CCDC126: variants seen among roughly 807,000 people sequenced by gnomAD.
CCDC126 encodes the protein coiled-coil domain-containing protein 126.
CCDC126 carries 5 observed loss-of-function variants against 11.7 expected under a neutral mutation model. The observed-to-expected ratio is 0.43, with a 90% CI of 0.22 to 0.90. The LOEUF is 0.90. Among genes scored for constraint, CCDC126 ranks in the 40% least tolerant of loss-of-function variants. The pLI, the probability that CCDC126 is intolerant of heterozygous loss-of-function variation, is 0.27. For synonymous variants in CCDC126, 60 were observed against 61.9 expected (o/e 0.97, Z 0.14); for missense variants, 150 against 163.1 (o/e 0.92, Z 0.44).
intron 3 of CCDC126, among the ~76,000 whole-genome samples, chr7:23,639,570 T>C (rs1391538841): frequency 6.6e-6 from 1 of 152,226 alleles, no homozygotes; most frequent in Non-Finnish European, 1.5e-5. Context: ...GTATATATCA[T>C]GATATTTCAT....
chr7:23,640,971 T>C (rs996724451), intron 3 of CCDC126, among the ~76,000 whole-genome samples: 3 of 151,128 alleles, frequency 2.0e-5, no homozygotes, highest in Non-Finnish European at 4.4e-5. Context: ...TAAGTATCCC[T>C]CTGAGCTCTG....
intron 3 of CCDC126, among the ~76,000 whole-genome samples, chr7:23,624,909 C>T (rs1018479427): frequency 6.6e-6 from 1 of 152,150 alleles, no homozygotes; most frequent in African/African-American, 2.4e-5. Flanking sequence ...GTGGAGTGAT[C>T]ATAGCTCAGT....
At chr7:23,631,432 C>T (rs1783111695) in intron 3 of CCDC126, among the ~76,000 whole-genome samples, 1 of 152,088 alleles carries the variant, frequency 6.6e-6, no homozygotes, top group Non-Finnish European at 1.5e-5. Flanking sequence ...TGCCGCAATC[C>T]ACCCAATATG....
At chr7:23,598,476 T>C (rs1433416610) in intron 2 of CCDC126, 5 of 152,234 alleles carry the variant, frequency 3.3e-5, no homozygotes, top group Non-Finnish European at 5.9e-5. Context: ...AGAATGTTCT[T>C]AGGAAATTGA....
chr7:23,616,986 G>C (rs540492269), intron 3 of CCDC126, among the ~76,000 whole-genome samples: 109 of 151,948 alleles, frequency 7.2e-4, no homozygotes, highest in Middle Eastern at 3.4e-3. Context: ...TTTTTGAGAC[G>C]ATTTCCTTAG....
At chr7:23,622,019 C>A (rs1454554229) in intron 3 of CCDC126, among the ~76,000 whole-genome samples, 1 of 152,128 alleles carries the variant, frequency 6.6e-6, no homozygotes, top group Non-Finnish European at 1.5e-5. Flanking sequence ...TGTTGTTCAT[C>A]AGGGATATTG....
intron 3 of CCDC126, among the ~76,000 whole-genome samples, chr7:23,613,975 T>C (rs899239572): frequency 6.6e-6 from 1 of 152,236 alleles, no homozygotes; most frequent in African/African-American, 2.4e-5. Flanking sequence ...CAAGTCATAA[T>C]CCTTTTGCTG....
chr7:23,636,286 G>A (rs1298872979), intron 3 of CCDC126, among the ~76,000 whole-genome samples: 1 of 151,846 alleles, frequency 6.6e-6, no homozygotes, highest in East Asian at 1.9e-4. Context: ...CCGCCACCCC[G>A]TCTGGGAAGT....
chr7:23,632,828 G>T (rs1014005368), intron 3 of CCDC126, among the ~76,000 whole-genome samples: 4 of 152,202 alleles, frequency 2.6e-5, no homozygotes, highest in African/African-American at 9.7e-5. Flanking sequence ...TGATTTTGAT[G>T]TAGATATTTA....
At chr7:23,637,469 G>A (rs1183568384) in intron 3 of CCDC126, among the ~76,000 whole-genome samples, 128 of 83,160 alleles carry the variant, frequency 1.5e-3, no homozygotes, top group Admixed American at 3.4e-3. Flanking sequence ...CGCCCCATCC[G>A]GGAGGGAGGT....
chr7:23,611,258 T>G lies in CCDC126; in HGVS notation c.-58T>G, dbSNP rs1782705538. ...TTCTTTTTTTTTTCAAGTCTTGATT[T>G]GTGGCTTACCTCAAGTTACCATTTT... On this transcript the variant is annotated 5_prime_UTR_variant, in exon 3 of 4. Transcript: ENST00000307471. 1 of 1,017,268 alleles carries G rather than the reference T, an allele frequency of 9.8e-7. No homozygotes were observed. Among genetic ancestry groups the G allele is most frequent in the Admixed American group, 1.9e-5 (1 of 51,974 alleles). The allele number at this position is 1,017,268 out of a possible 1,614,324, so 63.0% of individuals were successfully genotyped here. A position where few individuals can be genotyped will look rare whatever the true frequency, so the allele number is the denominator to read the frequency against.
chr7:23,641,666 C>A (rs966241469), intron 3 of CCDC126, among the ~76,000 whole-genome samples: 14 of 152,118 alleles, frequency 9.2e-5, no homozygotes, highest in Admixed American at 3.3e-4. Context: ...TAACAGTATT[C>A]GTTGTCACTA....
At chr7:23,632,780 C>T (rs559384474) in intron 3 of CCDC126, among the ~76,000 whole-genome samples, 12 of 152,218 alleles carry the variant, frequency 7.9e-5, no homozygotes, top group African/African-American at 2.2e-4. Context: ...ATTCCAGATA[C>T]GTTAAAGGAA....
intron 3 of CCDC126, among the ~76,000 whole-genome samples, 195 bp downstream of exon 3, chr7:23,611,748 A>G (rs1350860988): frequency 2.6e-5 from 4 of 152,262 alleles, no homozygotes; most frequent in Non-Finnish European, 5.9e-5. Context: ...CAGACTTAAC[A>G]GTTATTAACA....
intron 2 of CCDC126, among the ~76,000 whole-genome samples, chr7:23,599,956 TG>T (rs1782506093): frequency 6.6e-6 from 1 of 152,124 alleles, no homozygotes; most frequent in Non-Finnish European, 1.5e-5. Context: ...GGCTAATTTT[TG>T]TATTTTTAGT....
intron 3 of CCDC126, among the ~76,000 whole-genome samples, chr7:23,614,458 G>A (rs1264482894): frequency 6.6e-6 from 1 of 152,146 alleles, no homozygotes; most frequent in Non-Finnish European, 1.5e-5. Flanking sequence ...TCATCCATGA[G>A]GGTTGGAATC....
At chr7:23,638,863 C>CAAAAAAAAAAAAAAAAAAAAA (rs61374394) in intron 3 of CCDC126, among the ~76,000 whole-genome samples, 1 of 108,576 alleles carries the variant, frequency 9.2e-6, no homozygotes, top group Non-Finnish European at 1.8e-5. Context: ...AATAAATTAA[C>CAAAAAAAAAAAAAAAAAAAAA]AAAAAAAAAA....
intron 2 of CCDC126, among the ~76,000 whole-genome samples, chr7:23,608,162 C>T (rs1347617134): frequency 6.6e-6 from 1 of 152,324 alleles, no homozygotes; most frequent in Non-Finnish European, 1.5e-5. Flanking sequence ...TTTCAGCCCT[C>T]TGATGTCAAA....
chr7:23,611,158 C>T lies in CCDC126; in HGVS notation c.-145-13C>T, dbSNP rs570986221. 61 of 584,412 alleles carry T rather than the reference C, an allele frequency of 1.0e-4. 1 individual carries two copies. Among genetic ancestry groups the T allele is most frequent in the South Asian group, 8.7e-4 (41 of 47,012 alleles). The allele number at this position is 584,412 out of a possible 1,614,324, so 36.2% of individuals were successfully genotyped here. On this transcript the variant is annotated splice_polypyrimidine_tract_variant and intron_variant, in intron 2 of 3. Coordinates refer to ENST00000307471, the MANE Select transcript of CCDC126 (RefSeq NM_138771.4). ...GATTAAGACTAATACTGTTTTTCTT[C>T]TTAATTTTACAGAGTTAATAGAGTG...
Sources: gnomAD v4.1 joint callset for allele counts (sites outside exome capture counted in the v4.1 genomes callset) on GRCh38, gnomAD v4.1.1 for gene constraint, MANE v1.5 for transcripts, NCBI Gene and HGNC (gene_info 2026-07-23, HGNC 2026-07-21) for gene names.